The following CTNND2 variants were observed in gnomAD, a reference collection of about 807,000 sequenced individuals.
The protein encoded by CTNND2 is catenin delta-2.
In CTNND2, 22 loss-of-function variants were observed where a neutral mutation model predicts 144.4. That is an observed-to-expected ratio of 0.15 (90% CI 0.11 to 0.22). The LOEUF is 0.22. Among genes scored for constraint, CTNND2 ranks in the 10% least tolerant of loss-of-function variants. The probability of loss-of-function intolerance (pLI) is 1.00; values close to 1 mark genes in which losing one functional copy is unlikely to be tolerated. For synonymous variants in CTNND2, 751 were observed against 695.6 expected (o/e 1.08, Z -1.25); for missense variants, 1,353 against 1,618.8 (o/e 0.84, Z 2.82).
intron 3 of CTNND2, among the ~76,000 whole-genome samples, chr5:11,450,254 A>G (rs1384271844): frequency 6.6e-6 from 1 of 152,128 alleles, no homozygotes; most frequent in Non-Finnish European, 1.5e-5. Context: ...CAAAGGTGCT[A>G]TTGGTAGGTT....
intron 2 of CTNND2, among the ~76,000 whole-genome samples, chr5:11,654,653 T>C (rs958955237): frequency 5.9e-5 from 9 of 151,398 alleles, no homozygotes; most frequent in Non-Finnish European, 1.3e-4. Flanking sequence ...TGGTGGCGTC[T>C]TTAGGGTTTT....
chr5:11,343,076 T>G (rs2149734408), intron 9 of CTNND2, among the ~76,000 whole-genome samples: 1 of 152,236 alleles, frequency 6.6e-6, no homozygotes, highest in South Asian at 2.1e-4. Context: ...TTTCTGTGGG[T>G]TTTCTGTTGG....
At chr5:11,812,709 A>G (rs867109751) in intron 1 of CTNND2, among the ~76,000 whole-genome samples, 1 of 152,198 alleles carries the variant, frequency 6.6e-6, no homozygotes, top group Non-Finnish European at 1.5e-5. Context: ...TCCAAACAAT[A>G]TATTTGAAAA....
Position 11,555,129 on chromosome 5 carries a change from C to G in CTNND2, c.287+9815G>C, listed in dbSNP as rs577726129. Reference sequence around the variant, plus strand: ...TGTTCATTCATTTATTCATTCCGCACTGATTAAATAAATGAATACAGTATT... The same window carrying G: ...TGTTCATTCATTTATTCATTCCGCAGTGATTAAATAAATGAATACAGTATT... On this transcript the variant is annotated intron_variant, in intron 3 of 21. Coordinates refer to ENST00000304623, the MANE Select transcript of CTNND2 (RefSeq NM_001332.4). Among the ~76,000 whole-genome samples the G allele has an allele frequency of 2.6e-4, 39 of 152,246 alleles. No individual in the cohort carries two copies. In the South Asian group the frequency reaches 6.2e-3, roughly 24 times the overall value.
chr5:11,346,788 T>C (rs2149740599), intron 8 of CTNND2, among the ~76,000 whole-genome samples, 161 bp from the exon 9 acceptor site: 1 of 152,290 alleles, frequency 6.6e-6, no homozygotes, highest in Admixed American at 6.5e-5. Context: ...ATACATTCAA[T>C]GTTATCCAGT....
At chr5:11,498,238 C>T (rs1161096105) in intron 3 of CTNND2, among the ~76,000 whole-genome samples, 4 of 151,988 alleles carry the variant, frequency 2.6e-5, no homozygotes, top group Non-Finnish European at 2.9e-5. Flanking sequence ...CTCTCCCCCA[C>T]CCCCTCAAAC....
intron 2 of CTNND2, among the ~76,000 whole-genome samples, chr5:11,617,045 T>C (rs1780615281): frequency 6.6e-6 from 1 of 152,212 alleles, no homozygotes; most frequent in Non-Finnish European, 1.5e-5. Context: ...TCTTAAAGCA[T>C]CATCCATCAT....
rs551444548 is a variant in CTNND2, at chr5:11,528,212, T to C, written c.287+36732A>G. ...TGGTGTCAAATGACAAGATCATCCA[T>C]CAAGGAGGCATCACTGTAACTTGGA... On this transcript the variant is annotated intron_variant, in intron 3 of 21. Transcript: ENST00000304623. Among the ~76,000 whole-genome samples the C allele has an allele frequency of 1.3e-3, 203 of 152,262 alleles. 1 individual carries two copies. Among genetic ancestry groups the C allele is most frequent in the African/African-American group, 4.5e-3 (189 of 41,542 alleles).
At chr5:10,984,174 C>T (rs1355246301) in intron 20 of CTNND2, among the ~76,000 whole-genome samples, 5 of 152,160 alleles carry the variant, frequency 3.3e-5, no homozygotes, top group East Asian at 1.9e-4. Context: ...GTCTGCCTTC[C>T]TCTTCCAGAG....
intron 9 of CTNND2, among the ~76,000 whole-genome samples, chr5:11,307,033 C>A (rs1750298593): frequency 6.6e-6 from 1 of 152,058 alleles, no homozygotes. Flanking sequence ...CTCTGTCTTT[C>A]AGAGTGGCCC....
chr5:11,188,106 A>G (rs1735828799), intron 11 of CTNND2, among the ~76,000 whole-genome samples: 1 of 152,216 alleles, frequency 6.6e-6, no homozygotes. Flanking sequence ...TACTAAGTAT[A>G]TACTCAAAGG....
At chr5:11,891,418 T>G (rs1736951432) in intron 1 of CTNND2, among the ~76,000 whole-genome samples, 1 of 152,206 alleles carries the variant, frequency 6.6e-6, no homozygotes, top group African/African-American at 2.4e-5. Context: ...ACTTGCTGGT[T>G]TCATCCTGTG....
intron 9 of CTNND2, among the ~76,000 whole-genome samples, chr5:11,340,326 G>A (rs1228176528): frequency 1.3e-5 from 2 of 152,106 alleles, no homozygotes; most frequent in African/African-American, 4.8e-5. Flanking sequence ...AAAAAATGAG[G>A]CTGTTTTCAG....
At chr5:11,902,822 C>T in intron 1 of CTNND2, among the ~76,000 whole-genome samples, 1 of 152,072 alleles carries the variant, frequency 6.6e-6, no homozygotes, top group East Asian at 1.9e-4. Context: ...CAACCTGCCC[C>T]TCTATCTCTC....
chr5:11,864,633 C>T (rs1795655999), intron 1 of CTNND2, among the ~76,000 whole-genome samples: 1 of 152,112 alleles, frequency 6.6e-6, no homozygotes, highest in Non-Finnish European at 1.5e-5. Flanking sequence ...CTGCTAACAT[C>T]ACAGGACAGA....
intron 6 of CTNND2, among the ~76,000 whole-genome samples, chr5:11,387,128 T>C (rs1759173595): frequency 3.0e-5 from 1 of 33,848 alleles, no homozygotes; most frequent in Admixed American, 4.5e-4. Context: ...AGACCATATA[T>C]CAGTTTTTTT....
chr5:11,027,109 A>C (rs554749672), intron 16 of CTNND2: 1 of 152,336 alleles, frequency 6.6e-6, no homozygotes, highest in East Asian at 1.9e-4. Flanking sequence ...TTATGAAAGC[A>C]AAGTGGATAC....
intron 14 of CTNND2, among the ~76,000 whole-genome samples, chr5:11,102,709 A>T (rs112643526): frequency 5.3e-5 from 8 of 152,280 alleles, no homozygotes; most frequent in African/African-American, 1.9e-4. Flanking sequence ...TTTTTGGAAA[A>T]AAAAGAGGAT....
chr5:11,051,497 G>C (rs755855892), intron 16 of CTNND2, among the ~76,000 whole-genome samples: 1 of 152,162 alleles, frequency 6.6e-6, no homozygotes, highest in Non-Finnish European at 1.5e-5. Context: ...AACTTCTCTT[G>C]ATTGTATCTA....
Sources: gnomAD v4.1 joint callset for allele counts (sites outside exome capture counted in the v4.1 genomes callset) on GRCh38, gnomAD v4.1.1 for gene constraint, MANE v1.5 for transcripts, NCBI Gene and HGNC (gene_info 2026-07-23, HGNC 2026-07-21) for gene names.